The following SEMA3E variants were observed in gnomAD, a reference collection of about 807,000 sequenced individuals.
SEMA3E encodes semaphorin-3E.
SEMA3E carries 49 observed loss-of-function variants against 93.6 expected under a neutral mutation model. That is an observed-to-expected ratio of 0.52 (90% CI 0.42 to 0.66). The LOEUF (loss-of-function observed/expected upper bound fraction) is 0.66, where lower values mean the gene tolerates loss of function less well. SEMA3E is among the 30% of genes least tolerant of loss of function. The pLI, the probability that SEMA3E is intolerant of heterozygous loss-of-function variation, is 0.00. For synonymous variants in SEMA3E, 363 were observed against 330.7 expected (o/e 1.10, Z -1.06); for missense variants, 906 against 964.8 (o/e 0.94, Z 0.81).
chr7:83,388,096 C>G (rs931514588), intron 14 of SEMA3E, among the ~76,000 whole-genome samples: 4 of 148,148 alleles, frequency 2.7e-5, no homozygotes, highest in Non-Finnish European at 6.0e-5. Context: ...GGATCATGAG[C>G]TCAGGAGTTC....
At chr7:83,462,135 G>C (rs1172919048) in intron 4 of SEMA3E, 1 of 152,158 alleles carries the variant, frequency 6.6e-6, no homozygotes, top group Non-Finnish European at 1.5e-5. Flanking sequence ...GCTGAAGACC[G>C]ACACTGCCCG....
At chr7:83,407,292 C>T (rs994233628) in intron 6 of SEMA3E, 53 bp from the exon 7 acceptor site, 10 of 1,415,914 alleles carry the variant, frequency 7.1e-6, no homozygotes, top group Non-Finnish European at 9.9e-6. Flanking sequence ...CAACTAAATG[C>T]TAACAAGTTA....
intron 16 of SEMA3E, among the ~76,000 whole-genome samples, chr7:83,376,858 T>C (rs187832354): frequency 1.5e-4 from 23 of 150,858 alleles, no homozygotes; most frequent in African/African-American, 5.5e-4. Context: ...TCCTCTTAAA[T>C]AGAGAATCCA....
intron 1 of SEMA3E, among the ~76,000 whole-genome samples, chr7:83,542,202 A>T (rs930208540): frequency 6.7e-6 from 1 of 148,746 alleles, no homozygotes; most frequent in Non-Finnish European, 1.5e-5. Flanking sequence ...AAAAAAAAAA[A>T]TTAGCCAGGC....
chr7:83,522,074 A>G (rs368404537), intron 1 of SEMA3E, among the ~76,000 whole-genome samples: 28 of 152,156 alleles, frequency 1.8e-4, no homozygotes, highest in African/African-American at 6.8e-4. Context: ...AAGATGTGCT[A>G]CTTAGAAGTG....
chr7:83,550,740 G>C (rs1270542076), intron 1 of SEMA3E, among the ~76,000 whole-genome samples: 1 of 151,984 alleles, frequency 6.6e-6, no homozygotes, highest in East Asian at 1.9e-4. Context: ...GTTCTGATAA[G>C]ATGACCAAGA....
intron 4 of SEMA3E, among the ~76,000 whole-genome samples, chr7:83,465,449 C>T (rs1789734114): frequency 6.6e-6 from 1 of 152,170 alleles, no homozygotes. Flanking sequence ...CGGGCTCTCT[C>T]CAGGGGCAGC....
At chr7:83,435,795 G>A (rs1487924071) in intron 4 of SEMA3E, among the ~76,000 whole-genome samples, 2 of 152,124 alleles carry the variant, frequency 1.3e-5, no homozygotes, top group African/African-American at 4.8e-5. Context: ...CTTTCGTGAT[G>A]TAAAATTCCA....
chr7:83,411,313 C>T (rs987631656), intron 5 of SEMA3E, among the ~76,000 whole-genome samples: 1 of 151,968 alleles, frequency 6.6e-6, no homozygotes, highest in African/African-American at 2.4e-5. Flanking sequence ...TGAGCAATTC[C>T]CATAACACAA....
chr7:83,648,903 G>GA lies in SEMA3E; in HGVS notation c.-362dup, dbSNP rs149993646. ...TTCAGAAAAAAAAAAAAAAAAGAGA[G>GA]AAAAAAACAAAACCGAGCACACGCA... On this transcript the variant is annotated 5_prime_UTR_variant, in exon 1 of 17. Coordinates refer to ENST00000643230, the MANE Select transcript of SEMA3E (RefSeq NM_012431.3). The GA allele has an allele frequency of 0.14, 23,743 of 171,090 alleles. 1,855 individuals are homozygous for GA. Among genetic ancestry groups the GA allele is most frequent in the African/African-American group, 0.22 (7,828 of 34,960 alleles). 10.6% of individuals were successfully genotyped at this position (171,090 alleles called of 1,614,324 possible).
intron 1 of SEMA3E, among the ~76,000 whole-genome samples, chr7:83,622,934 A>G (rs42010): frequency 1 from 151,604 of 152,230 alleles, 75,492 homozygotes; most frequent in East Asian, 1. Context: ...TATGGCACAC[A>G]TTTACCACAT....
intron 1 of SEMA3E, among the ~76,000 whole-genome samples, chr7:83,509,276 G>A (rs115641391): frequency 7.9e-4 from 121 of 152,240 alleles, no homozygotes; most frequent in African/African-American, 2.8e-3. Context: ...GATAATATTA[G>A]GTGAGGGCTA....
intron 16 of SEMA3E, among the ~76,000 whole-genome samples, chr7:83,380,393 C>A (rs550243700): frequency 1.3e-4 from 20 of 151,996 alleles, no homozygotes; most frequent in Admixed American, 1.1e-3. Context: ...TGTACACAGT[C>A]AAGCTAAGTT....
chr7:83,565,435 T>A lies in SEMA3E; in HGVS notation c.116-75161A>T, dbSNP rs186164934. On this transcript the variant is annotated intron_variant, in intron 1 of 16. Coordinates refer to ENST00000643230, the MANE Select transcript of SEMA3E (RefSeq NM_012431.3). The stretch of plus-strand genomic sequence containing the variant: ...GGAGGGAACTTGGAGGATGGGTCAA[T>A]AGGTGCAAGAAACCACCATGGCACA... 3.3e-5 allele frequency among the ~76,000 whole-genome samples: 5 copies of A among 152,096 alleles called. No homozygotes were observed. The East Asian group carries it at 9.7e-4, about 29-fold the overall frequency.
chr7:83,569,188 G>C (rs74410972), intron 1 of SEMA3E, among the ~76,000 whole-genome samples: 16,203 of 151,268 alleles, frequency 0.11, 934 homozygotes, highest in East Asian at 0.19. Flanking sequence ...AGGGGTAAAA[G>C]ATCTCTACAA....
In SEMA3E at chr7:83,367,743, C is replaced by A; in HGVS notation, c.2171G>T (p.Arg724Ile). ...TACTTTCTCGCAGTATTCTTCCACT[C>A]TCTGGAAGTTGCTATAACCGATCAG... ...LQLIGYSNFQ[R>I]VEEYCEKVWC... is the part of the protein sequence containing the mutation. The change falls in exon 17 of 17, where the codon AGA (arginine) becomes ATA (isoleucine). Residue 724 changes from arginine (R) to isoleucine (I), a missense_variant. Transcript: ENST00000643230. 1.2e-6 allele frequency: 2 copies of A among 1,614,112 alleles called. No homozygotes were observed. Among genetic ancestry groups the A allele is most frequent in the Non-Finnish European group, 1.7e-6 (2 of 1,180,026 alleles).
At position 83,407,193 on chromosome 7, in the gene SEMA3E, T is replaced by C. The variant is rs749064748; in HGVS notation, c.717A>G (p.Arg239=). 4 of 1,613,500 alleles carry C rather than the reference T, an allele frequency of 2.5e-6. No homozygotes were observed. The East Asian group carries it at 8.9e-5, about 36-fold the overall frequency. Residue 239 remains arginine, a synonymous_variant, in exon 7 of 17, where the codon AGA becomes AGG. Transcript: ENST00000643230. ...AAAAGAAATATACTTTGTTGTCATC[T>C]CTGTCTTCATTGTCAGGAATCATGT... ...GSYMIPDNED[R]DDNKVYFFFT... is the part of the protein sequence containing the mutation.
At chr7:83,530,917 C>A (rs1791281166) in intron 1 of SEMA3E, among the ~76,000 whole-genome samples, 1 of 152,024 alleles carries the variant, frequency 6.6e-6, no homozygotes, top group South Asian at 2.1e-4. Flanking sequence ...AGTCAGCAGA[C>A]ATGAATTTGA....
chr7:83,597,980 G>A lies in SEMA3E; in HGVS notation c.115+50448C>T, dbSNP rs1442343515. 2.6e-5 allele frequency among the ~76,000 whole-genome samples: 4 copies of A among 152,134 alleles called. No homozygotes were observed. The South Asian group carries it at 6.2e-4, about 24-fold the overall frequency. On this transcript the variant is annotated intron_variant, in intron 1 of 16. Transcript: ENST00000643230. ...AGAAAAATGATCAGGTTCACTTTGT[G>A]GTGCATTTCTGGAAGTTAAAAGGAA...
Sources: allele counts gnomAD v4.1 joint callset (sites outside exome capture counted in the v4.1 genomes callset), GRCh38; gene constraint gnomAD v4.1.1; transcripts MANE v1.5; gene names NCBI Gene and HGNC (gene_info 2026-07-23, HGNC 2026-07-21).